C4orf50: variants seen among roughly 807,000 people sequenced by gnomAD.
C4orf50 encodes the protein chromosome 4 open reading frame 50.
In C4orf50, 80 loss-of-function variants were observed where a neutral mutation model predicts 77.2. That is an observed-to-expected ratio of 1.04 (90% CI 0.87 to 1.25). The LOEUF is 1.25. Ranked by LOEUF, C4orf50 falls within the 50% of genes most tolerant of loss-of-function variation. The pLI is 0.00. For missense variants in C4orf50, 1,257 were observed against 1,152.9 expected (o/e 1.09, Z -1.31); for synonymous variants, 532 against 465.3 (o/e 1.14, Z -1.84).
chr4:5,912,764 G>A (rs1362943242), intron 7 of C4orf50, among the ~76,000 whole-genome samples: 1 of 152,206 alleles, frequency 6.6e-6, no homozygotes, highest in African/African-American at 2.4e-5. Context: ...AGGAAGAAAT[G>A]GGTGAGGCAG....
chr4:5,973,840 G>T (rs770889671), exon 31 of C4orf50: 1 of 1,608,144 alleles, frequency 6.2e-7, no homozygotes, highest in East Asian at 2.2e-5. Context: ...AGCTATCTTG[G>T]CCTGAAAGGG....
Position 6,000,455 on chromosome 4 carries a change from C to A in C4orf50, c.964-5979G>T, listed in dbSNP as rs566714514. ...GAGGAATTCTTCCTTTCCAGGCAGC[C>A]CTTTTTGACCTCAAGATGCTGTTTG... On this transcript the variant is annotated intron_variant, in intron 25 of 33. Coordinates refer to ENST00000531445, the Ensembl canonical transcript of C4orf50. The surrounding 1 kb of genome is among the most constrained non-coding windows in gnomAD (Gnocchi z 6.0). Among the ~76,000 whole-genome samples the A allele has an allele frequency of 1.3e-5, 2 of 152,264 alleles. No individual in the cohort carries two copies. Among genetic ancestry groups the A allele is most frequent in the African/African-American group, 4.8e-5 (2 of 41,572 alleles).
intron 26 of C4orf50, 75 bp from the exon 5 acceptor site, chr4:5,993,005 G>C (rs73212660): frequency 1.0e-5 from 4 of 396,524 alleles, no homozygotes. Context: ...TAGGGACCAC[G>C]TCCCCCAGGC....
chr4:5,997,595 C>T (rs751210716), intron 25 of C4orf50, among the ~76,000 whole-genome samples: 13 of 152,208 alleles, frequency 8.5e-5, no homozygotes, highest in African/African-American at 3.1e-4. Flanking sequence ...CATTTCAACC[C>T]TCAAGAAAAC....
chr4:5,990,413 T>C (rs1721199006), exon 28 of C4orf50: 2 of 412,912 alleles, frequency 4.8e-6, no homozygotes, highest in Admixed American at 8.8e-5. Context: ...CAAGTGTCTT[T>C]CAGATCCTTG....
chr4:5,966,318 T>C (rs1223573306), intron 32 of C4orf50, among the ~76,000 whole-genome samples: 3 of 151,698 alleles, frequency 2.0e-5, no homozygotes, highest in Admixed American at 6.6e-5. Context: ...TCTACAAAAA[T>C]ACAAAAATTA....
In C4orf50 at chr4:6,003,810, A is replaced by G. The variant is rs1363857999; in HGVS notation, c.963+4186T>C. Among the ~76,000 whole-genome samples the G allele has an allele frequency of 6.3e-3, 799 of 125,982 alleles. 21 individuals are homozygous for G. The highest frequency in any genetic ancestry group is 0.022 in the African/African-American group (719 of 32,056). 82.6% of individuals were successfully genotyped at this position (125,982 alleles called of 152,430 possible). On this transcript the variant is annotated intron_variant, in intron 25 of 33. Coordinates refer to ENST00000531445, the Ensembl canonical transcript of C4orf50. ...GATGGTGATGATGGTGATGGTGATG[A>G]TGGTGATGATGGTGATGGTGATGAT...
At chr4:5,950,625 T>G (rs978763783) in intron 7 of C4orf50, among the ~76,000 whole-genome samples, 1 of 152,216 alleles carries the variant, frequency 6.6e-6, no homozygotes. Context: ...CCACTCAAAA[T>G]GGCACTTCCT....
exon 34 of C4orf50, chr4:5,957,236 G>A (rs1470265980): frequency 1.3e-5 from 2 of 152,258 alleles, no homozygotes; most frequent in East Asian, 1.9e-4. Flanking sequence ...CGGCAGAGGG[G>A]AGCATGAAGT....
At chr4:5,989,406 C>A in exon 28 of C4orf50, 5 of 1,536,082 alleles carry the variant, frequency 3.3e-6, no homozygotes, top group Non-Finnish European at 4.4e-6. Context: ...TGGTCTTTCC[C>A]GGCTTATCAC....
intron 7 of C4orf50, among the ~76,000 whole-genome samples, chr4:5,921,337 C>T (rs1195039828): frequency 6.6e-6 from 1 of 152,208 alleles, no homozygotes; most frequent in Non-Finnish European, 1.5e-5. Context: ...GAGCTGCCTC[C>T]CAGTCAGGCG....
chr4:6,001,329 T>C (rs1013286803), intron 25 of C4orf50, among the ~76,000 whole-genome samples: 1 of 152,182 alleles, frequency 6.6e-6, no homozygotes, highest in Non-Finnish European at 1.5e-5. Context: ...TTTGTATTTT[T>C]AGTAGAGACA....
intron 7 of C4orf50, among the ~76,000 whole-genome samples, chr4:5,907,954 G>C (rs2152480691): frequency 6.6e-6 from 1 of 152,318 alleles, no homozygotes; most frequent in South Asian, 2.1e-4. Context: ...AGTAGAATCA[G>C]CTCAGAAAGC....
chr4:5,926,997 G>C (rs1394704337), intron 7 of C4orf50, among the ~76,000 whole-genome samples: 10 of 152,196 alleles, frequency 6.6e-5, no homozygotes, highest in Non-Finnish European at 1.0e-4. Flanking sequence ...GGGGAAGACA[G>C]ACAGGGAGTG....
chr4:5,933,795 C>T (rs1345476218), intron 7 of C4orf50, among the ~76,000 whole-genome samples: 1 of 152,174 alleles, frequency 6.6e-6, no homozygotes, highest in Non-Finnish European at 1.5e-5. Context: ...CACTGACGCA[C>T]CCCTGGGAGG....
At chr4:5,965,437 T>C (rs1352754798) in intron 32 of C4orf50, among the ~76,000 whole-genome samples, 1 of 152,244 alleles carries the variant, frequency 6.6e-6, no homozygotes, top group Non-Finnish European at 1.5e-5. Flanking sequence ...GACCACTGCC[T>C]TTGCAAGCCG....
rs1716278397 is a variant in C4orf50 at position 5,900,042 on chromosome 4, T to C, written c.*2475-1854A>G. On this transcript the variant is annotated intron_variant, in intron 7 of 7. Coordinates refer to the C4orf50 transcript ENST00000324058. The surrounding 1 kb of genome is among the most constrained non-coding windows in gnomAD (Gnocchi z 4.3). ...TCAACAGAGAAAAACAGGTTGTGTC[T>C]AAAATATGTCAGAAATGTCTCGCAC... The C allele has an allele frequency of 6.6e-6, 1 of 152,106 alleles. No homozygotes were observed. The highest frequency in any genetic ancestry group is 2.4e-5 in the African/African-American group (1 of 41,418). The allele number at this position is 152,106 out of a possible 1,614,324, so 9.4% of individuals were successfully genotyped here. A position where few individuals can be genotyped will look rare whatever the true frequency, so the allele number is the denominator to read the frequency against.
chr4:5,974,415 C>T (rs1228204219), intron 30 of C4orf50, among the ~76,000 whole-genome samples: 2 of 151,278 alleles, frequency 1.3e-5, no homozygotes, highest in East Asian at 2.0e-4. Context: ...TGCAGGGGCG[C>T]GGCAGGAATT....
At chr4:5,914,593 G>A (rs966645350) in intron 7 of C4orf50, among the ~76,000 whole-genome samples, 5 of 152,034 alleles carry the variant, frequency 3.3e-5, no homozygotes, top group Admixed American at 6.6e-5. Context: ...TAATTATCAC[G>A]GTTTGAATTT....
Sources: allele counts gnomAD v4.1 joint callset (sites outside exome capture counted in the v4.1 genomes callset), GRCh38; gene constraint gnomAD v4.1.1; non-coding constraint Gnocchi (gnomAD v3.1); transcripts MANE v1.5; gene names NCBI Gene and HGNC (gene_info 2026-07-23, HGNC 2026-07-21).